The following EFR3A variants were observed in gnomAD, a reference collection of about 807,000 sequenced individuals.
EFR3A encodes the protein EFR3 homolog A.
In EFR3A, 76 loss-of-function variants were observed where a neutral mutation model predicts 104.4. The observed-to-expected ratio is 0.73, with a 90% CI of 0.60 to 0.88. The LOEUF (loss-of-function observed/expected upper bound fraction) is 0.88. EFR3A is among the 40% of genes least tolerant of loss of function. The pLI is 0.00. For synonymous variants in EFR3A, 330 were observed against 330.0 expected (o/e 1.00, Z 0.00); for missense variants, 985 against 1,012.5 (o/e 0.97, Z 0.37).
chr8:131,910,234 C>T (rs1031169765), intron 1 of EFR3A, among the ~76,000 whole-genome samples: 1 of 152,168 alleles, frequency 6.6e-6, no homozygotes, highest in Admixed American at 6.5e-5. Context: ...CTCTAGGTGA[C>T]ATGGAATGGG....
intron 1 of EFR3A, among the ~76,000 whole-genome samples, chr8:131,913,709 G>A (rs977672985): frequency 1.3e-5 from 2 of 152,016 alleles, no homozygotes; most frequent in Non-Finnish European, 2.9e-5. Flanking sequence ...TTGTTTAATT[G>A]GTGTTTTTGA....
At chr8:131,977,196 GTTTATGGTTAGTA>G (rs2130727987) in intron 12 of EFR3A, 104 bp downstream of exon 12, 2 of 759,374 alleles carry the variant, frequency 2.6e-6, no homozygotes, top group African/African-American at 3.6e-5. Context: ...GTAAGTTACT[GTTTATGGTTAGTA>G]TTTTATTATG....
chr8:131,949,373 A>G (rs1009588722), intron 4 of EFR3A, among the ~76,000 whole-genome samples: 1 of 152,198 alleles, frequency 6.6e-6, no homozygotes, highest in Non-Finnish European at 1.5e-5. Context: ...GGAGGATTCA[A>G]TCTTAGGCCT....
intron 5 of EFR3A, among the ~76,000 whole-genome samples, chr8:131,953,590 T>C (rs1818817250): frequency 1.3e-5 from 2 of 152,160 alleles, no homozygotes; most frequent in Admixed American, 1.3e-4. Flanking sequence ...TTTAACGTTT[T>C]AAATGCGGAT....
At chr8:131,991,970 T>C (rs1821209481) in intron 18 of EFR3A, among the ~76,000 whole-genome samples, 1 of 152,196 alleles carries the variant, frequency 6.6e-6, no homozygotes, top group Non-Finnish European at 1.5e-5. Context: ...CTATATTTCC[T>C]TTTTGTTCTC....
chr8:131,929,850 A>C (rs1017677045), intron 1 of EFR3A, among the ~76,000 whole-genome samples: 8 of 152,158 alleles, frequency 5.3e-5, no homozygotes, highest in African/African-American at 1.9e-4. Context: ...GTTTGAAGCA[A>C]GTCAAAATAC....
intron 22 of EFR3A, among the ~76,000 whole-genome samples, chr8:132,010,298 A>G (rs903344786): frequency 6.6e-6 from 1 of 151,054 alleles, no homozygotes; most frequent in Admixed American, 6.6e-5. Context: ...GGTGACAATC[A>G]GTCGGAATAA....
chr8:132,003,328 A>G, intron 22 of EFR3A, 43 bp downstream of exon 22: 1 of 1,520,626 alleles, frequency 6.6e-7, no homozygotes, highest in Non-Finnish European at 9.1e-7. Context: ...CACACACACG[A>G]ATAGAAACTG....
chr8:131,977,017 A>G, intron 11 of EFR3A, 24 bp from the exon 12 acceptor site: 2 of 1,537,496 alleles, frequency 1.3e-6, no homozygotes, highest in South Asian at 1.2e-5. Flanking sequence ...TTAGTATAAT[A>G]ATTCAGCCTT....
chr8:132,010,085 A>G (rs1822253408), intron 22 of EFR3A, among the ~76,000 whole-genome samples: 1 of 151,938 alleles, frequency 6.6e-6, no homozygotes, highest in Non-Finnish European at 1.5e-5. Flanking sequence ...AAAAATGAAA[A>G]TAAGAATGAA....
chr8:131,951,345 G>A (rs1464023883), intron 5 of EFR3A, among the ~76,000 whole-genome samples: 1 of 152,024 alleles, frequency 6.6e-6, no homozygotes. Flanking sequence ...AGCCTTCTCA[G>A]AGGTAAAAAA....
chr8:131,959,583 A>G lies in EFR3A; in HGVS notation c.777-2A>G. 1.2e-6 allele frequency: 2 copies of G among 1,608,302 alleles called. No individual in the cohort carries two copies. Among genetic ancestry groups the G allele is most frequent in the Non-Finnish European group, 1.7e-6 (2 of 1,178,110 alleles). ...TTTTAAAGTAATTTTTGTTATTTGC[A>G]GGCATTTAGATCATCACAAACTGTG... On this transcript the variant is annotated splice_acceptor_variant, in intron 7 of 22. Transcript: ENST00000254624. LOFTEE classifies it high-confidence loss of function.
chr8:131,931,161 G>A (rs1817588762), intron 1 of EFR3A, among the ~76,000 whole-genome samples: 3 of 152,076 alleles, frequency 2.0e-5, no homozygotes, highest in South Asian at 2.1e-4. Flanking sequence ...GGGGCAGGGA[G>A]TATTCACTTT....
chr8:131,929,260 T>A (rs943564461), intron 1 of EFR3A, among the ~76,000 whole-genome samples: 3 of 152,294 alleles, frequency 2.0e-5, no homozygotes, highest in African/African-American at 7.2e-5. Context: ...CTTTCCTGTC[T>A]CTTCCTCTTT....
intron 2 of EFR3A, 33 bp from the exon 3 acceptor site, chr8:131,944,712 T>C (rs768744623): frequency 1.8e-5 from 28 of 1,513,620 alleles, no homozygotes; most frequent in Middle Eastern, 1.7e-4. Flanking sequence ...CATGAAAATA[T>C]AGATAATCTA....
rs763595555 is a variant in EFR3A at position 132,002,664 on chromosome 8, G to A, written c.2268G>A (p.Gln756=). ...EKRRLVIEKF[Q]KAPFEEIAAQ... ...GGCGTCTTGTGATAGAGAAATTTCA[G>A]AAAGCACCTTTTGAAGAAATAGCAG... Residue 756 remains glutamine (Q), a synonymous_variant, in exon 21 of 23, where the codon CAG becomes CAA. Coordinates refer to ENST00000254624, the MANE Select transcript of EFR3A (RefSeq NM_015137.6). 1.4e-5 allele frequency: 23 copies of A among 1,613,758 alleles called. No homozygotes were observed. Among genetic ancestry groups the A allele is most frequent in the Non-Finnish European group, 1.9e-5 (22 of 1,179,734 alleles).
intron 22 of EFR3A, among the ~76,000 whole-genome samples, chr8:132,008,827 CAA>C (rs1376828731): frequency 1.5e-5 from 1 of 65,470 alleles, no homozygotes; most frequent in South Asian, 5.3e-4. Context: ...GCCTGGGTGA[CAA>C]GAGTAAAACT....
chr8:132,001,696 G>GGT, intron 19 of EFR3A, 63 bp from the exon 20 acceptor site: 1 of 1,405,224 alleles, frequency 7.1e-7, no homozygotes, highest in Non-Finnish European at 1.0e-6. Context: ...CTTGTAACTA[G>GGT]GTAAAGGTGT....
intron 1 of EFR3A, among the ~76,000 whole-genome samples, chr8:131,934,285 C>T (rs1288106863): frequency 6.6e-6 from 1 of 152,132 alleles, no homozygotes. Context: ...CATTTGATTA[C>T]AGTTGTCCTT....
Sources: allele counts gnomAD v4.1 joint callset (sites outside exome capture counted in the v4.1 genomes callset), GRCh38; gene constraint gnomAD v4.1.1; transcripts MANE v1.5; gene names NCBI Gene and HGNC (gene_info 2026-07-23, HGNC 2026-07-21).